DNAH7: variants seen among roughly 807,000 people sequenced by gnomAD.
The protein encoded by DNAH7 is dynein axonemal heavy chain 7.
DNAH7 carries 397 observed loss-of-function variants against 444.6 expected under a neutral mutation model. That is an observed-to-expected ratio of 0.89 (90% CI 0.82 to 0.97). The LOEUF (loss-of-function observed/expected upper bound fraction) is 0.97, where lower values mean the gene tolerates loss of function less well. Ranked by LOEUF, DNAH7 falls within the 50% of genes least tolerant of loss-of-function variation. DNAH7 has a pLI of 0.00. For synonymous variants in DNAH7, 1,636 were observed against 1,624.4 expected (o/e 1.01, Z -0.17); for missense variants, 4,902 against 4,800.8 (o/e 1.02, Z -0.62).
At chr2:195,902,813 T>A (rs1351364638) in intron 27 of DNAH7, 2 of 152,212 alleles carry the variant, frequency 1.3e-5, no homozygotes, top group African/African-American at 4.8e-5. Context: ...AAAAACATCC[T>A]GATTGAAATA....
Position 195,816,978 on chromosome 2 carries a change from A to T in DNAH7, c.9426-15T>A, listed in dbSNP as rs1158098271. 6.5e-7 allele frequency: 1 copy of T among 1,538,818 alleles called. No homozygotes were observed. Among genetic ancestry groups the T allele is most frequent in the African/African-American group, 1.4e-5 (1 of 71,782 alleles). ...CTTTTAACTGCCTGGAATAAAACAA[A>T]ATTTTCTTAGAAGAAAAAGAAGTCA... On this transcript the variant is annotated splice_polypyrimidine_tract_variant and intron_variant, in intron 50 of 64. Coordinates refer to ENST00000312428, the MANE Select transcript of DNAH7 (RefSeq NM_018897.3).
intron 50 of DNAH7, among the ~76,000 whole-genome samples, chr2:195,817,449 A>G (rs929632813): frequency 1.3e-5 from 2 of 152,214 alleles, no homozygotes; most frequent in African/African-American, 4.8e-5. Context: ...AATATTTGAA[A>G]ATACCCTGCC....
intron 33 of DNAH7, among the ~76,000 whole-genome samples, chr2:195,886,589 G>A (rs948739482): frequency 3.9e-5 from 6 of 151,970 alleles, no homozygotes; most frequent in African/African-American, 9.7e-5. Context: ...TTTCAGAGAC[G>A]GCAGTTAATT....
At chr2:195,756,090 C>T in intron 62 of DNAH7, 43 bp downstream of exon 62, 1 of 1,541,900 alleles carries the variant, frequency 6.5e-7, no homozygotes, top group Non-Finnish European at 8.8e-7. Flanking sequence ...GAAAATGAAA[C>T]CAGGAGAAAC....
intron 24 of DNAH7, among the ~76,000 whole-genome samples, chr2:195,910,472 T>C (rs1687291318): frequency 6.6e-6 from 1 of 152,178 alleles, no homozygotes; most frequent in Non-Finnish European, 1.5e-5. Context: ...TCAGTTGACT[T>C]TGAATCCCCT....
intron 5 of DNAH7, among the ~76,000 whole-genome samples, chr2:196,033,201 T>G (rs1418390663): frequency 6.6e-6 from 1 of 152,212 alleles, no homozygotes; most frequent in African/African-American, 2.4e-5. Flanking sequence ...GATTTATAGT[T>G]GTATATGATT....
At position 195,971,591 on chromosome 2, in the gene DNAH7, C is replaced by G. The variant is rs550838342; in HGVS notation, c.2058+651G>C. 4.6e-5 allele frequency among the ~76,000 whole-genome samples: 7 copies of G among 151,966 alleles called. No homozygotes were observed. In the South Asian group the frequency reaches 8.3e-4, roughly 18 times the overall value. ...GCTAGATGAACAAGCACATGTGGGGCGGGGGTGTGCTCAGAGTGATGGGGA... is the reference window on the plus strand; with the variant it reads ...GCTAGATGAACAAGCACATGTGGGGGGGGGGTGTGCTCAGAGTGATGGGGA... On this transcript the variant is annotated intron_variant, in intron 16 of 64. Coordinates refer to ENST00000312428, the MANE Select transcript of DNAH7 (RefSeq NM_018897.3).
At chr2:196,051,719 A>G (rs563887084) in intron 2 of DNAH7, among the ~76,000 whole-genome samples, 1 of 152,272 alleles carries the variant, frequency 6.6e-6, no homozygotes, top group East Asian at 1.9e-4. Context: ...GTGAGCAGAG[A>G]TCGCACCACT....
chr2:195,880,988 C>A (rs972694786), intron 36 of DNAH7, among the ~76,000 whole-genome samples: 19 of 150,570 alleles, frequency 1.3e-4, no homozygotes, highest in Admixed American at 1.2e-3. Context: ...TTTCTGTACA[C>A]TTTTAGTTTT....
At chr2:195,849,146 C>T (rs1380722891) in intron 46 of DNAH7, among the ~76,000 whole-genome samples, 2 of 152,144 alleles carry the variant, frequency 1.3e-5, no homozygotes, top group East Asian at 3.8e-4. Context: ...GTTACTGTCA[C>T]TATTTATTGC....
intron 49 of DNAH7, among the ~76,000 whole-genome samples, chr2:195,818,669 C>G (rs1356425800): frequency 6.6e-6 from 1 of 152,114 alleles, no homozygotes; most frequent in African/African-American, 2.4e-5. Context: ...CATGATACAG[C>G]CCTTTACAAT....
At chr2:195,995,055 G>A (rs1028844205) in intron 12 of DNAH7, 11 of 250,356 alleles carry the variant, frequency 4.4e-5, no homozygotes, top group Admixed American at 2.5e-4. Context: ...TCAGCCTCCC[G>A]AGCAGCTGGG....
At chr2:195,826,725 C>G (rs1401668560) in intron 48 of DNAH7, among the ~76,000 whole-genome samples, 1 of 152,042 alleles carries the variant, frequency 6.6e-6, no homozygotes, top group Non-Finnish European at 1.5e-5. Flanking sequence ...CAGTGACAAC[C>G]GTCAGAAAAC....
At chr2:196,028,146 A>T in intron 5 of DNAH7, 99 bp from the exon 6 acceptor site, 1 of 925,904 alleles carries the variant, frequency 1.1e-6, no homozygotes. Flanking sequence ...CTATTAAATC[A>T]TAAGGAAAAA....
chr2:195,927,043 T>C (rs1393804998), intron 21 of DNAH7, among the ~76,000 whole-genome samples: 4 of 152,140 alleles, frequency 2.6e-5, no homozygotes, highest in Non-Finnish European at 5.9e-5. Context: ...GTTACTCCTG[T>C]GTTTCCAGGC....
Position 195,891,809 on chromosome 2 carries a change from A to G in DNAH7, c.4897-5T>C. 1 of 1,448,652 alleles carries G rather than the reference A, an allele frequency of 6.9e-7. No homozygotes were observed. Among genetic ancestry groups the G allele is most frequent in the East Asian group, 2.6e-5 (1 of 39,102 alleles). The allele number at this position is 1,448,652 out of a possible 1,614,324, so 89.7% of individuals were successfully genotyped here. ...TTTGTTTTCTTCCATTAGCCCCTTA[A>G]TGAAAAAAAAAAACATTTATTTATG... is the stretch of plus-strand genomic sequence containing the variant. On this transcript the variant is annotated splice_region_variant and splice_polypyrimidine_tract_variant and intron_variant, in intron 30 of 64. Transcript: ENST00000312428.
chr2:196,050,905 C>A (rs1487783229), intron 3 of DNAH7, among the ~76,000 whole-genome samples: 1 of 152,210 alleles, frequency 6.6e-6, no homozygotes, highest in African/African-American at 2.4e-5. Flanking sequence ...AGCTTTACCC[C>A]AAGCCCTTTT....
At chr2:195,988,972 T>C (rs1232912118) in intron 12 of DNAH7, among the ~76,000 whole-genome samples, 1 of 152,172 alleles carries the variant, frequency 6.6e-6, no homozygotes, top group Non-Finnish European at 1.5e-5. Flanking sequence ...TCACTTAACA[T>C]AATGCCCTCC....
At chr2:195,921,507 C>T (rs1688021967) in intron 24 of DNAH7, among the ~76,000 whole-genome samples, 2 of 152,250 alleles carry the variant, frequency 1.3e-5, no homozygotes, top group African/African-American at 4.8e-5. Context: ...GAAAACCAAA[C>T]ATCATATGTT....
Sources: allele counts gnomAD v4.1 joint callset (sites outside exome capture counted in the v4.1 genomes callset), GRCh38; gene constraint gnomAD v4.1.1; transcripts MANE v1.5; gene names NCBI Gene and HGNC (gene_info 2026-07-23, HGNC 2026-07-21).